RBM19: variants seen among roughly 807,000 people sequenced by gnomAD.
The protein encoded by RBM19 is probable RNA-binding protein 19.
In RBM19, 94 loss-of-function variants were observed where a neutral mutation model predicts 116.8. The ratio of observed to expected loss-of-function variants is 0.80; its 90% CI spans 0.68 to 0.95. The LOEUF (loss-of-function observed/expected upper bound fraction) is 0.95. Among genes scored for constraint, RBM19 ranks in the 40% least tolerant of loss-of-function variants. The pLI is 0.00. For synonymous variants in RBM19, 475 were observed against 494.1 expected (o/e 0.96, Z 0.51); for missense variants, 1,161 against 1,220.7 (o/e 0.95, Z 0.73).
chr12:113,845,187 G>T (rs1336505203), intron 22 of RBM19, among the ~76,000 whole-genome samples: 1 of 152,180 alleles, frequency 6.6e-6, no homozygotes, highest in East Asian at 1.9e-4. Context: ...AAGCGTGCAG[G>T]CCTCTGGGTG....
intron 15 of RBM19, among the ~76,000 whole-genome samples, chr12:113,939,158 T>C (rs1870325740): frequency 6.6e-6 from 1 of 151,986 alleles, no homozygotes. Flanking sequence ...ATCAAAAAAT[T>C]AGCCAGGCGT....
chr12:113,952,618 C>A, intron 7 of RBM19, 28 bp from the exon 8 acceptor site: 1 of 1,577,140 alleles, frequency 6.3e-7, no homozygotes, highest in Non-Finnish European at 8.7e-7. Flanking sequence ...TTTCCCCTTA[C>A]CAACCACATA....
chr12:113,875,827 C>T (rs1322253056), intron 21 of RBM19, among the ~76,000 whole-genome samples: 2 of 152,188 alleles, frequency 1.3e-5, no homozygotes, highest in African/African-American at 2.4e-5. Context: ...GCACAAAGCC[C>T]AGGATGTGCT....
At chr12:113,844,923 C>T (rs1457313719) in intron 22 of RBM19, 135 bp from the exon 23 acceptor site, 87 of 1,293,258 alleles carry the variant, frequency 6.7e-5, no homozygotes, top group East Asian at 5.5e-5. Flanking sequence ...TGATCTCCAG[C>T]GAGGGTTTGG....
At chr12:113,899,086 G>C (rs564672219) in intron 21 of RBM19, among the ~76,000 whole-genome samples, 2 of 152,356 alleles carry the variant, frequency 1.3e-5, no homozygotes, top group Non-Finnish European at 2.9e-5. Context: ...TTTATACCTT[G>C]CTCAAGTTTG....
At chr12:113,955,311 G>A (rs1388863095) in intron 6 of RBM19, 100 bp from the exon 7 acceptor site, 23 of 1,133,814 alleles carry the variant, frequency 2.0e-5, no homozygotes, top group Non-Finnish European at 3.1e-5. Context: ...GAAGGTGCCT[G>A]CCGCCAGGGG....
At chr12:113,876,923 G>A (rs1411595212) in intron 21 of RBM19, among the ~76,000 whole-genome samples, 1 of 152,244 alleles carries the variant, frequency 6.6e-6, no homozygotes, top group Non-Finnish European at 1.5e-5. Flanking sequence ...CCTCCAGAGT[G>A]TTCTGACACC....
intron 23 of RBM19, among the ~76,000 whole-genome samples, chr12:113,824,129 T>A (rs1736429394): frequency 6.6e-6 from 1 of 152,086 alleles, no homozygotes; most frequent in South Asian, 2.1e-4. Flanking sequence ...ACCTCCTGAT[T>A]AGGTACCATC....
chr12:113,946,356 G>C lies in RBM19; in HGVS notation c.1527C>G (p.Ala509=), dbSNP rs1351930003. ...KKEAQDKANS[A]SSHNWNTLFM... ...GTGGTTTCAGGGGCACTGAGGACCT[G>C]GCACTGTTGGCTTTGTCCTGGGCCT... The change falls in exon 12 of 24, where the codon GCC becomes GCG. Residue 509 remains alanine (A), a splice_region_variant and synonymous_variant. Coordinates refer to ENST00000261741, the MANE Select transcript of RBM19 (RefSeq NM_016196.4). The C allele has an allele frequency of 6.2e-7, 1 of 1,614,114 alleles. No individual in the cohort carries two copies. Among genetic ancestry groups the C allele is most frequent in the South Asian group, 1.1e-5 (1 of 91,072 alleles).
intron 1 of RBM19, among the ~76,000 whole-genome samples, chr12:113,963,825 G>T (rs1003540685): frequency 6.6e-6 from 1 of 152,154 alleles, no homozygotes; most frequent in Non-Finnish European, 1.5e-5. Context: ...TCAGCACCAC[G>T]CTTTGACAAA....
At chr12:113,895,042 C>A (rs896425031) in intron 21 of RBM19, among the ~76,000 whole-genome samples, 1 of 152,244 alleles carries the variant, frequency 6.6e-6, no homozygotes, top group Non-Finnish European at 1.5e-5. Context: ...CTCATCAAGG[C>A]TTCTGTGCAG....
rs148730915 is a variant in RBM19, at chr12:113,964,988, G to C, written c.36+1204C>G. Among the ~76,000 whole-genome samples the C allele has an allele frequency of 3.1e-3, 464 of 152,016 alleles. 1 individual carries two copies. Among genetic ancestry groups the C allele is most frequent in the Non-Finnish European group, 4.5e-3 (309 of 67,932 alleles). On this transcript the variant is annotated intron_variant, in intron 1 of 23. Transcript: ENST00000261741. ...AACTCACAACATTAGAACAGAAATG[G>C]GGGCCAGGTGCAGTGGCTCACGCCT...
At chr12:113,950,957 G>A (rs1357940891) in intron 8 of RBM19, among the ~76,000 whole-genome samples, 2 of 151,936 alleles carry the variant, frequency 1.3e-5, no homozygotes, top group Non-Finnish European at 2.9e-5. Context: ...GATGGCAAAC[G>A]CCTGGCTCCA....
chr12:113,958,134 GT>G, intron 5 of RBM19, 84 bp from the exon 6 acceptor site: 2 of 1,524,128 alleles, frequency 1.3e-6, no homozygotes, highest in South Asian at 2.6e-5. Context: ...GGTCCTCCTA[GT>G]GAGAGGCCTG....
intron 22 of RBM19, among the ~76,000 whole-genome samples, chr12:113,848,080 G>A (rs1231416599): frequency 2.6e-5 from 4 of 152,190 alleles, no homozygotes; most frequent in East Asian, 1.9e-4. Context: ...CTCTGAGCCC[G>A]AGCTTCCTCA....
intron 13 of RBM19, 72 bp from the exon 14 acceptor site, chr12:113,942,506 C>T: frequency 3.9e-6 from 5 of 1,276,350 alleles, no homozygotes; most frequent in Non-Finnish European, 3.3e-6. Flanking sequence ...CATCTCCCAA[C>T]AGCCTGAAGA....
At chr12:113,819,228 T>G (rs144780137), downstream of RBM19, among the ~76,000 whole-genome samples, 144 of 152,268 alleles carry the variant, frequency 9.5e-4, no homozygotes, top group African/African-American at 2.2e-3. Context: ...TGAGCCACAC[T>G]CTGAACACCG....
downstream of RBM19, among the ~76,000 whole-genome samples, chr12:113,819,129 C>A (rs1017825284): frequency 6.6e-6 from 1 of 152,160 alleles, no homozygotes; most frequent in African/African-American, 2.4e-5. Context: ...AGACCCACAG[C>A]GGGTGGGAGA....
In RBM19 at chr12:113,947,349, G is replaced by A. The variant is rs140312414; in HGVS notation, c.1392C>T (p.Asp464=). ...GGGGCCTCACCTGGAATACCTGCCC[G>A]TCCACCTCCGAGTAGGCCTTCACAG... ...EHAVKAYSEV[D]GQVFQGRMLH... is the part of the protein sequence containing the mutation. Residue 464 remains aspartate (D), a synonymous_variant, in exon 11 of 24, where the codon GAC becomes GAT. Coordinates refer to ENST00000261741, the MANE Select transcript of RBM19 (RefSeq NM_016196.4). 172 of 1,600,670 alleles carry A rather than the reference G, an allele frequency of 1.1e-4. No homozygotes were observed. Among genetic ancestry groups the A allele is most frequent in the East Asian group, 3.1e-4 (14 of 44,500 alleles).
Sources: gnomAD v4.1 joint callset for allele counts (sites outside exome capture counted in the v4.1 genomes callset) on GRCh38, gnomAD v4.1.1 for gene constraint, MANE v1.5 for transcripts, NCBI Gene and HGNC (gene_info 2026-07-23, HGNC 2026-07-21) for gene names.